SUGCT: variants seen among roughly 807,000 people sequenced by gnomAD.
SUGCT encodes succinyl-CoA:glutarate-CoA transferase, also known as succinyl-CoA:glutarate CoA-transferase.
SUGCT carries 41 observed loss-of-function variants against 55.0 expected under a neutral mutation model. That is an observed-to-expected ratio of 0.74 (90% CI 0.58 to 0.97). SUGCT has a LOEUF of 0.97. SUGCT is among the 50% of genes least tolerant of loss of function. The pLI, the probability that SUGCT is intolerant of heterozygous loss-of-function variation, is 0.00. For missense variants in SUGCT, 568 were observed against 547.8 expected, an observed-to-expected ratio of 1.04 and a Z score of -0.37; for synonymous variants, 187 against 200.4, an observed-to-expected ratio of 0.93 and a Z score of 0.56.
intron 6 of SUGCT, among the ~76,000 whole-genome samples, chr7:40,237,148 G>C (rs1208250782): frequency 6.8e-6 from 1 of 147,628 alleles, no homozygotes; most frequent in Non-Finnish European, 1.5e-5. Flanking sequence ...TTTTTTTTAA[G>C]AATAGCCAGG....
chr7:41,037,216 T>G, the SUGCT span, among the ~76,000 whole-genome samples: 4 of 152,146 alleles, frequency 2.6e-5, no homozygotes, highest in African/African-American at 2.4e-5. Context: ...TCTCCATTAT[T>G]TTTTAGTTTT....
intron 13 of SUGCT, among the ~76,000 whole-genome samples, chr7:40,831,226 A>C (rs920299190): frequency 6.6e-6 from 1 of 151,972 alleles, no homozygotes; most frequent in Admixed American, 6.5e-5. Flanking sequence ...GGCTCACCCA[A>C]TGTTTGCTGT....
chr7:40,202,453 AT>A (rs1472224881), intron 6 of SUGCT, among the ~76,000 whole-genome samples: 1 of 152,050 alleles, frequency 6.6e-6, no homozygotes, highest in Non-Finnish European at 1.5e-5. Flanking sequence ...TGTTTGTATT[AT>A]GTATGCACAT....
At chr7:40,558,795 T>TA (rs1375948567) in intron 12 of SUGCT, among the ~76,000 whole-genome samples, 1 of 152,214 alleles carries the variant, frequency 6.6e-6, no homozygotes, top group Admixed American at 6.5e-5. Flanking sequence ...ACCACAGTTT[T>TA]AAAAAACATT....
In SUGCT at chr7:40,397,017, T is replaced by C. The variant is rs551170579; in HGVS notation, c.817-52270T>C. Among the ~76,000 whole-genome samples the C allele has an allele frequency of 4.6e-5, 7 of 152,280 alleles. No homozygotes were observed. The East Asian group carries it at 1.4e-3, about 29-fold the overall frequency. ...ATACTATACTGGTCTTTAAAAATAA[T>C]ATATATCAGATAGACCTTACCACCA... is the stretch of plus-strand genomic sequence containing the variant. On this transcript the variant is annotated intron_variant, in intron 9 of 13. Transcript: ENST00000335693.
chr7:40,884,894 A>T, the SUGCT span, among the ~76,000 whole-genome samples: 1 of 152,146 alleles, frequency 6.6e-6, no homozygotes, highest in South Asian at 2.1e-4. Flanking sequence ...TTCATCTGTC[A>T]TAGTGGTTAA....
At chr7:40,177,189 A>G (rs530117346) in intron 1 of SUGCT, among the ~76,000 whole-genome samples, 1 of 152,230 alleles carries the variant, frequency 6.6e-6, no homozygotes. Context: ...AGCAAACTGA[A>G]AACCTAACTT....
intron 9 of SUGCT, among the ~76,000 whole-genome samples, chr7:40,377,503 A>G (rs1784664774): frequency 6.6e-6 from 1 of 151,774 alleles, no homozygotes; most frequent in Non-Finnish European, 1.5e-5. Flanking sequence ...TCGGCCTCCC[A>G]AAGTGCTGGA....
chr7:40,440,639 A>ACC (rs1437679387), intron 9 of SUGCT, among the ~76,000 whole-genome samples: 1 of 152,122 alleles, frequency 6.6e-6, no homozygotes. Context: ...AGTAAATTTT[A>ACC]CCATCTCAAT....
intron 12 of SUGCT, among the ~76,000 whole-genome samples, chr7:40,701,547 T>C (rs550027478): frequency 2.6e-5 from 4 of 152,314 alleles, no homozygotes; most frequent in Admixed American, 2.6e-4. Context: ...TTCCAGGCGA[T>C]CCCATGGGAA....
At chr7:40,858,879 C>T (rs1188021927) in intron 13 of SUGCT, among the ~76,000 whole-genome samples, 1 of 152,224 alleles carries the variant, frequency 6.6e-6, no homozygotes, top group Non-Finnish European at 1.5e-5. Context: ...AGATGTGTTA[C>T]ACAAAGGTGC....
chr7:40,897,426 GACACACAC>G, the SUGCT span, among the ~76,000 whole-genome samples: 230 of 148,812 alleles, frequency 1.5e-3, no homozygotes, highest in East Asian at 6.6e-3. Flanking sequence ...AATAAAGCTG[GACACACAC>G]ACACACACAC....
At chr7:40,413,406 C>T (rs1786799854) in intron 9 of SUGCT, among the ~76,000 whole-genome samples, 1 of 152,028 alleles carries the variant, frequency 6.6e-6, no homozygotes. Flanking sequence ...AAGTCAGATT[C>T]CTAAGTCACT....
intron 12 of SUGCT, among the ~76,000 whole-genome samples, chr7:40,696,652 G>T (rs1377368397): frequency 6.6e-6 from 1 of 152,172 alleles, no homozygotes; most frequent in African/African-American, 2.4e-5. Flanking sequence ...GAGAATGTTA[G>T]TAGATTTTAA....
At chr7:40,141,831 A>G (rs780557517) in intron 1 of SUGCT, 20 of 416,798 alleles carry the variant, frequency 4.8e-5, no homozygotes, top group Non-Finnish European at 7.7e-5. Flanking sequence ...CAGCAAGGCA[A>G]TGTACTTCTA....
At chr7:40,631,460 A>G (rs1364355254) in intron 12 of SUGCT, among the ~76,000 whole-genome samples, 5 of 152,192 alleles carry the variant, frequency 3.3e-5, no homozygotes, top group Non-Finnish European at 5.9e-5. Context: ...TCAACATTTG[A>G]TGGTTTTCAC....
At chr7:40,618,703 A>AT (rs1282117385) in intron 12 of SUGCT, among the ~76,000 whole-genome samples, 1 of 152,178 alleles carries the variant, frequency 6.6e-6, no homozygotes, top group Non-Finnish European at 1.5e-5. Flanking sequence ...ACTATACATG[A>AT]TTATCTCATT....
chr7:40,795,749 C>T (rs1418258632), intron 13 of SUGCT, among the ~76,000 whole-genome samples: 1 of 152,108 alleles, frequency 6.6e-6, no homozygotes, highest in Non-Finnish European at 1.5e-5. Flanking sequence ...GGATTTCAAC[C>T]AGCAGAATGT....
chr7:40,901,477 T>G, the SUGCT span, among the ~76,000 whole-genome samples: 1 of 151,502 alleles, frequency 6.6e-6, no homozygotes, highest in Admixed American at 6.6e-5. Flanking sequence ...AACCATCACC[T>G]TAGTATACTA....
Sources: allele counts gnomAD v4.1 joint callset (sites outside exome capture counted in the v4.1 genomes callset), GRCh38; gene constraint gnomAD v4.1.1; transcripts MANE v1.5; gene names NCBI Gene and HGNC (gene_info 2026-07-23, HGNC 2026-07-21).